Variants in STK33 observed in about 807,000 individuals in gnomAD.
STK33 encodes the protein serine/threonine kinase 33, also known as serine/threonine-protein kinase 33.
Under a neutral mutation model 58.0 loss-of-function variants are expected in STK33, and 52 were observed. That is an observed-to-expected ratio of 0.90 (90% CI 0.72 to 1.13). The LOEUF (loss-of-function observed/expected upper bound fraction) is 1.13. Among genes scored for constraint, STK33 ranks in the 50% most tolerant of loss-of-function variants. The pLI is 0.00. For synonymous variants in STK33, 215 were observed against 200.1 expected (o/e 1.07, Z -0.63); for missense variants, 630 against 604.2 (o/e 1.04, Z -0.45).
At chr11:8,539,700 A>G (rs1955354707) in intron 1 of STK33, among the ~76,000 whole-genome samples, 1 of 152,166 alleles carries the variant, frequency 6.6e-6, no homozygotes, top group Admixed American at 6.5e-5. Context: ...AACTGATGCA[A>G]TAATTACTTG....
intron 15 of STK33, among the ~76,000 whole-genome samples, chr11:8,406,744 T>C (rs1939287901): frequency 6.6e-6 from 1 of 152,178 alleles, no homozygotes; most frequent in Admixed American, 6.5e-5. Context: ...TGTAGATTCC[T>C]TGGGATTTTC....
chr11:8,341,326 T>C, the STK33 span, among the ~76,000 whole-genome samples: 10 of 152,216 alleles, frequency 6.6e-5, no homozygotes, highest in East Asian at 3.8e-4. Context: ...GCTGCCTCCG[T>C]TGGGTTCTAA....
chr11:8,343,344 G>A, the STK33 span, among the ~76,000 whole-genome samples: 1 of 152,262 alleles, frequency 6.6e-6, no homozygotes, highest in Admixed American at 6.5e-5. Context: ...CGCTTTGTGA[G>A]GGAGGGCCAA....
rs138683480 is a variant in STK33, at chr11:8,449,948, G to A, written c.871+2874C>T. Among the ~76,000 whole-genome samples the A allele has an allele frequency of 1.4e-4, 22 of 152,272 alleles. No individual in the cohort carries two copies. The East Asian group carries it at 2.9e-3, about 20-fold the overall frequency. On this transcript the variant is annotated intron_variant, in intron 11 of 15. Transcript: ENST00000687296. ...GGAGAAATAGGAATGCTTTTACACC[G>A]TTGGTGGGAGTGCAAATTAGTTCAA...
At chr11:8,421,480 T>C (rs1336888613) in intron 14 of STK33, among the ~76,000 whole-genome samples, 3 of 152,214 alleles carry the variant, frequency 2.0e-5, no homozygotes, top group East Asian at 1.9e-4. Context: ...CTCTGTTTTA[T>C]TCTGTTTGTC....
At chr11:8,359,272 G>T in the STK33 span, among the ~76,000 whole-genome samples, 1 of 152,184 alleles carries the variant, frequency 6.6e-6, no homozygotes, top group African/African-American at 2.4e-5. Flanking sequence ...ATATGTCAGT[G>T]CTAATTTGCT....
At chr11:8,548,458 T>C (rs993784025) in intron 1 of STK33, among the ~76,000 whole-genome samples, 1 of 152,238 alleles carries the variant, frequency 6.6e-6, no homozygotes, top group South Asian at 2.1e-4. Flanking sequence ...TTCTGTTCCA[T>C]TGGTCTATGT....
intron 1 of STK33, among the ~76,000 whole-genome samples, chr11:8,499,274 G>C (rs942949765): frequency 1.3e-5 from 2 of 152,114 alleles, no homozygotes; most frequent in Non-Finnish European, 2.9e-5. Context: ...GATATGAACA[G>C]ACACTTCTCA....
At chr11:8,488,207 T>C (rs918587823) in intron 1 of STK33, among the ~76,000 whole-genome samples, 1 of 152,126 alleles carries the variant, frequency 6.6e-6, no homozygotes, top group South Asian at 2.1e-4. Context: ...TTTGTAATTG[T>C]TGAAAATAAT....
intron 1 of STK33, among the ~76,000 whole-genome samples, chr11:8,593,543 A>G (rs1380311690): frequency 2.6e-5 from 4 of 152,108 alleles, no homozygotes; most frequent in Non-Finnish European, 5.9e-5. Flanking sequence ...GAGTTCTTAA[A>G]TTACCTGTCC....
intron 1 of STK33, among the ~76,000 whole-genome samples, chr11:8,562,938 ATAAG>A (rs1047546105): frequency 1.3e-5 from 2 of 152,190 alleles, no homozygotes; most frequent in African/African-American, 2.4e-5. Flanking sequence ...TAGCAGATCA[ATAAG>A]TAAGTAAAGG....
intron 1 of STK33, among the ~76,000 whole-genome samples, chr11:8,536,056 A>T (rs1954974159): frequency 2.0e-5 from 3 of 152,184 alleles, no homozygotes; most frequent in Admixed American, 2.0e-4. Flanking sequence ...ATTTGATCAC[A>T]TGGAGGTACA....
At chr11:8,385,241 T>C in the STK33 span, among the ~76,000 whole-genome samples, 21 of 152,362 alleles carry the variant, frequency 1.4e-4, no homozygotes, top group East Asian at 4.0e-3. Flanking sequence ...TTGTTCCACT[T>C]TGCATAATTC....
chr11:8,460,952 G>A (rs1947447624), intron 8 of STK33, among the ~76,000 whole-genome samples: 1 of 152,132 alleles, frequency 6.6e-6, no homozygotes, highest in African/African-American at 2.4e-5. Context: ...TTAGAGACTG[G>A]CCTAGGAGAC....
chr11:8,391,419 C>T (rs1351323045), downstream of STK33, among the ~76,000 whole-genome samples: 3 of 152,146 alleles, frequency 2.0e-5, no homozygotes, highest in South Asian at 2.1e-4. Context: ...TTGACTCATT[C>T]GGAATCACAA....
At chr11:8,463,790 G>C (rs1947851020) in intron 7 of STK33, among the ~76,000 whole-genome samples, 1 of 152,080 alleles carries the variant, frequency 6.6e-6, no homozygotes, top group Non-Finnish European at 1.5e-5. Context: ...GTTGCAAGTA[G>C]GTATGATAGT....
intron 1 of STK33, among the ~76,000 whole-genome samples, chr11:8,490,634 C>T (rs1313816944): frequency 6.6e-6 from 1 of 152,172 alleles, no homozygotes; most frequent in East Asian, 1.9e-4. Flanking sequence ...TCCCTGACCC[C>T]TGTGTAGCCT....
the STK33 span, among the ~76,000 whole-genome samples, chr11:8,353,245 GCCACGAA>G: frequency 7.9e-5 from 12 of 152,230 alleles, no homozygotes; most frequent in African/African-American, 2.7e-4. Context: ...TCAGCAAGAA[GCCACGAA>G]CCTGAGTTGG....
the STK33 span, among the ~76,000 whole-genome samples, chr11:8,354,474 T>TCACA: frequency 0.18 from 22,683 of 124,444 alleles, 2,269 homozygotes; most frequent in Admixed American, 0.23. Context: ...CTGCAAAACC[T>TCACA]CACACACACA....
Sources: gnomAD v4.1 joint callset for allele counts (sites outside exome capture counted in the v4.1 genomes callset) on GRCh38, gnomAD v4.1.1 for gene constraint, MANE v1.5 for transcripts, NCBI Gene and HGNC (gene_info 2026-07-23, HGNC 2026-07-21) for gene names.